Variants in STOX1 observed in about 807,000 individuals in gnomAD.
STOX1 encodes storkhead-box protein 1.
STOX1 carries 57 observed loss-of-function variants against 74.8 expected under a neutral mutation model. The observed-to-expected ratio is 0.76, with a 90% confidence interval of 0.62 to 0.95. The LOEUF (loss-of-function observed/expected upper bound fraction) is 0.95, where lower values mean the gene tolerates loss of function less well. Among genes scored for constraint, STOX1 ranks in the 40% least tolerant of loss-of-function variants. The probability of loss-of-function intolerance (pLI) is 0.00; values close to 1 mark genes in which losing one functional copy is unlikely to be tolerated. For synonymous variants in STOX1, 375 were observed against 401.3 expected, an observed-to-expected ratio of 0.93 and a Z score of 0.78; for missense variants, 1,010 against 1,117.0, an observed-to-expected ratio of 0.90 and a Z score of 1.37.
At chr10:68,875,466 G>T (rs150195595) in intron 1 of STOX1, among the ~76,000 whole-genome samples, 2 of 152,058 alleles carry the variant, frequency 1.3e-5, no homozygotes, top group Non-Finnish European at 2.9e-5. Context: ...GTTTCTATTT[G>T]TCATGGGTGC....
At chr10:68,872,342 C>CTTTTTTT (rs72451894) in intron 1 of STOX1, among the ~76,000 whole-genome samples, 16 of 89,318 alleles carry the variant, frequency 1.8e-4, no homozygotes, top group African/African-American at 6.2e-4. Context: ...TTTTTCTTTT[C>CTTTTTTT]TTTTTTTTTT....
At chr10:68,857,468 C>T (rs1237454449) in intron 1 of STOX1, among the ~76,000 whole-genome samples, 6 of 152,028 alleles carry the variant, frequency 3.9e-5, no homozygotes. Context: ...TTTTTATGTC[C>T]TAGGCATGTC....
At chr10:68,851,859 C>T (rs61869917) in intron 1 of STOX1, among the ~76,000 whole-genome samples, 6,636 of 151,834 alleles carry the variant, frequency 0.044, 215 homozygotes, top group Non-Finnish European at 0.071. Context: ...AACAGCCGGG[C>T]GTGTTGGCTC....
intron 1 of STOX1, among the ~76,000 whole-genome samples, chr10:68,841,810 T>A (rs1209611759): frequency 6.6e-6 from 1 of 152,176 alleles, no homozygotes. Context: ...CTGTTTTTGC[T>A]GAGCTCCTTG....
chr10:68,881,406 G>T (rs1055109787), intron 1 of STOX1, among the ~76,000 whole-genome samples: 2 of 152,172 alleles, frequency 1.3e-5, no homozygotes, highest in Non-Finnish European at 2.9e-5. Context: ...AAACACTTCT[G>T]CCTTTCTTCA....
chr10:68,857,868 A>G (rs1441173808), intron 1 of STOX1, among the ~76,000 whole-genome samples: 1 of 152,080 alleles, frequency 6.6e-6, no homozygotes, highest in Non-Finnish European at 1.5e-5. Flanking sequence ...GCTTCAGGTG[A>G]GAAAGCCTGG....
chr10:68,860,562 T>C (rs1840240960), intron 1 of STOX1, among the ~76,000 whole-genome samples: 1 of 106,530 alleles, frequency 9.4e-6, no homozygotes, highest in Non-Finnish European at 1.7e-5. Flanking sequence ...AGAGTGAGAC[T>C]CTGTCTCAAA....
intron 1 of STOX1, among the ~76,000 whole-genome samples, chr10:68,842,536 CTTTTTTT>C (rs11332701): frequency 1.4e-5 from 1 of 71,970 alleles, no homozygotes; most frequent in Non-Finnish European, 2.6e-5. Context: ...TGTACCATTT[CTTTTTTT>C]TTTTTTTTTT....
chr10:68,830,285 C>G (rs1564566997), intron 1 of STOX1, among the ~76,000 whole-genome samples: 3 of 152,142 alleles, frequency 2.0e-5, no homozygotes, highest in Non-Finnish European at 2.9e-5. Flanking sequence ...GCTCATCACC[C>G]TTGACTTGGG....
intron 1 of STOX1, among the ~76,000 whole-genome samples, chr10:68,876,506 A>G (rs548766366): frequency 1.2e-5 from 1 of 84,024 alleles, no homozygotes; most frequent in African/African-American, 3.8e-5. Context: ...ACAGCAAAGA[A>G]TCAGTAAATT....
chr10:68,864,154 G>A (rs942783462), intron 1 of STOX1, among the ~76,000 whole-genome samples: 3 of 151,946 alleles, frequency 2.0e-5, no homozygotes, highest in African/African-American at 7.3e-5. Flanking sequence ...TCGATCTCCT[G>A]ACCTCGTGAT....
intron 1 of STOX1, among the ~76,000 whole-genome samples, chr10:68,862,330 A>T (rs1777281063): frequency 6.6e-6 from 1 of 152,034 alleles, no homozygotes; most frequent in Non-Finnish European, 1.5e-5. Context: ...CACTACTAGG[A>T]TAGAATGATT....
chr10:68,856,810 G>A (rs1305012904), intron 1 of STOX1, among the ~76,000 whole-genome samples: 3 of 152,062 alleles, frequency 2.0e-5, no homozygotes, highest in African/African-American at 7.3e-5. Context: ...TCATCTCTAA[G>A]AATTTCCAGG....
At chr10:68,874,844 A>G (rs868730669) in intron 1 of STOX1, among the ~76,000 whole-genome samples, 1 of 152,182 alleles carries the variant, frequency 6.6e-6, no homozygotes, top group Admixed American at 6.5e-5. Flanking sequence ...ACCCCAGTTC[A>G]GTTAACCCTC....
In STOX1 at chr10:68,835,943, C is replaced by A. The variant is rs150231742; in HGVS notation, c.310+8010C>A. Among the ~76,000 whole-genome samples the A allele has an allele frequency of 4.9e-3, 743 of 151,818 alleles. 8 individuals carry two copies. The highest frequency in any genetic ancestry group is 0.017 in the African/African-American group (712 of 41,362). On this transcript the variant is annotated intron_variant, in intron 1 of 3. Transcript: ENST00000298596. ...CTGGAGTGCAGTGGTGTGATCTCGG[C>A]TCACTGAAACCTCCTCCTCCTGGGT... is the stretch of plus-strand genomic sequence containing the variant.
intron 3 of STOX1, among the ~76,000 whole-genome samples, chr10:68,888,060 A>AAC (rs61005053): frequency 6.6e-6 from 1 of 151,878 alleles, no homozygotes; most frequent in Middle Eastern, 3.4e-3. Flanking sequence ...TACTTATTCT[A>AAC]ACACACACAC....
chr10:68,873,010 C>CTT (rs372863380), intron 1 of STOX1, among the ~76,000 whole-genome samples: 1 of 150,868 alleles, frequency 6.6e-6, no homozygotes, highest in Admixed American at 6.6e-5. Flanking sequence ...AAAATAAACA[C>CTT]TTTTTTTTTC....
intron 1 of STOX1, among the ~76,000 whole-genome samples, chr10:68,867,273 A>G (rs1186373507): frequency 6.6e-6 from 1 of 152,056 alleles, no homozygotes; most frequent in African/African-American, 2.4e-5. Flanking sequence ...CACTTCAGGC[A>G]TAGACCTGGT....
chr10:68,841,870 A>G (rs1839699617), intron 1 of STOX1, among the ~76,000 whole-genome samples: 1 of 152,182 alleles, frequency 6.6e-6, no homozygotes, highest in Admixed American at 6.6e-5. Flanking sequence ...CCTTTGGAGT[A>G]TCTTCCTGTG....
Sources: allele counts gnomAD v4.1 joint callset (sites outside exome capture counted in the v4.1 genomes callset), GRCh38; gene constraint gnomAD v4.1.1; transcripts MANE v1.5; gene names NCBI Gene and HGNC (gene_info 2026-07-23, HGNC 2026-07-21).